The following ZNF44 variants were observed in gnomAD, a reference collection of about 807,000 sequenced individuals.
ZNF44 encodes gonadotropin inducible transcription repressor-2.
A neutral mutation model predicts 11.7 loss-of-function variants in ZNF44; 9 were observed. The observed-to-expected ratio is 0.77, with a 90% CI of 0.46 to 1.35. The LOEUF (loss-of-function observed/expected upper bound fraction) is 1.35. Ranked by LOEUF, ZNF44 falls within the 40% of genes most tolerant of loss-of-function variation. The pLI is 0.00. For missense variants in ZNF44, 696 were observed against 743.1 expected (o/e 0.94, Z 0.74); for synonymous variants, 224 against 242.7 (o/e 0.92, Z 0.72).
intron 5 of ZNF44, among the ~76,000 whole-genome samples, chr19:12,253,526 T>G (rs868461284): frequency 1.1e-4 from 16 of 152,228 alleles, no homozygotes; most frequent in Middle Eastern, 3.4e-3. Context: ...AGAGAATCTA[T>G]GTATAATCTT....
At chr19:12,242,965 T>G (rs1409704234), downstream of ZNF44, 1 of 152,104 alleles carries the variant, frequency 6.6e-6, no homozygotes, top group African/African-American at 2.4e-5. Context: ...CAGGAAGAAA[T>G]TAAGACCCAG....
chr19:12,228,946 C>T (rs1298315384), intron 3 of ZNF44, among the ~76,000 whole-genome samples: 1 of 152,076 alleles, frequency 6.6e-6, no homozygotes, highest in African/African-American at 2.4e-5. Context: ...AATGAAATTG[C>T]TTGATTAATA....
chr19:12,251,334 A>AAG (rs1234662269), intron 5 of ZNF44, among the ~76,000 whole-genome samples: 5 of 151,698 alleles, frequency 3.3e-5, no homozygotes, highest in Non-Finnish European at 7.4e-5. Flanking sequence ...TGTCTCAAAA[A>AAG]AAAAAAAAAA....
At position 12,272,411 on chromosome 19, in the gene ZNF44, A is replaced by G. The variant is rs766900419; in HGVS notation, c.1844T>C (p.Leu615Pro). ...RHKRTHWKDI[L>P] ...GCTTTCCCACATTCCATACACTTAT[A>G]GAATATCCTTCCAGTGTGTCCTTTT... is the stretch of plus-strand genomic sequence containing the variant. Residue 615 changes from leucine to proline, a missense_variant, in exon 4 of 4, where the codon CTA becomes CCA. By Grantham distance (98) the Leu-to-Pro change is moderately conservative. Transcript: ENST00000355684. The G allele has an allele frequency of 1.9e-6, 3 of 1,540,054 alleles. No individual in the cohort carries two copies. The highest frequency in any genetic ancestry group is 2.6e-6 in the Non-Finnish European group (3 of 1,148,718).
At chr19:12,274,429 C>T (rs1012534778) in intron 3 of ZNF44, among the ~76,000 whole-genome samples, 20 of 151,948 alleles carry the variant, frequency 1.3e-4, no homozygotes, top group African/African-American at 4.8e-4. Context: ...TGCACCACCA[C>T]ACCCAGCTAA....
At chr19:12,290,393 A>C (rs1474409079) in intron 1 of ZNF44, among the ~76,000 whole-genome samples, 1 of 147,334 alleles carries the variant, frequency 6.8e-6, no homozygotes, top group African/African-American at 2.5e-5. Context: ...CTCCGTCTTA[A>C]ACAAAAAAAA....
At chr19:12,268,155 C>G (rs948136968), downstream of ZNF44, among the ~76,000 whole-genome samples, 1 of 139,766 alleles carries the variant, frequency 7.2e-6, no homozygotes, top group African/African-American at 2.8e-5. Context: ...GACACACACA[C>G]ACACACACAC....
At chr19:12,260,248 G>C (rs911155739) in intron 5 of ZNF44, 2 of 810,914 alleles carry the variant, frequency 2.5e-6, no homozygotes, top group Admixed American at 1.7e-5. Flanking sequence ...CGCTACAACG[G>C]GCTGATTCAC....
chr19:12,250,996 C>T (rs750115783), intron 5 of ZNF44, among the ~76,000 whole-genome samples: 6 of 151,670 alleles, frequency 4.0e-5, no homozygotes, highest in East Asian at 1.9e-4. Context: ...GAGGCCGAGG[C>T]GGGCAGATTA....
At chr19:12,249,762 G>A (rs1304335447) in intron 7 of ZNF44, among the ~76,000 whole-genome samples, 13 of 152,084 alleles carry the variant, frequency 8.5e-5, no homozygotes, top group Admixed American at 8.5e-4. Flanking sequence ...ATGTTGGTCA[G>A]GCTGGTCTTG....
Position 12,273,591 on chromosome 19 carries a change from C to T in ZNF44, c.664G>A (p.Glu222Lys). 6.2e-7 allele frequency: 1 copy of T among 1,614,182 alleles called. No individual in the cohort carries two copies. The change falls in exon 4 of 4, where the codon GAG (glutamate) becomes AAG (lysine). Residue 222 changes from glutamate (E) to lysine (K), a missense_variant. Transcript: ENST00000355684. Reference protein sequence around the residue: ...LRMHERTHTGEKPYECKQCSK... With the variant: ...LRMHERTHTGKKPYECKQCSK... Reference sequence around the variant, plus strand: ...CACTGCTTACATTCATATGGTTTCTCTCCAGTGTGAGTTCTTTCATGCATA... The same window carrying T: ...CACTGCTTACATTCATATGGTTTCTTTCCAGTGTGAGTTCTTTCATGCATA...
downstream of ZNF44, among the ~76,000 whole-genome samples, chr19:12,225,982 C>A (rs1420311260): frequency 1.3e-5 from 2 of 152,148 alleles, no homozygotes; most frequent in African/African-American, 2.4e-5. Flanking sequence ...TTAATTTAAA[C>A]AGAAAATAGT....
At chr19:12,285,052 A>G in intron 1 of ZNF44, 1 of 687,964 alleles carries the variant, frequency 1.5e-6, no homozygotes, top group Admixed American at 2.2e-5. Context: ...ACCTACAGCT[A>G]CCTAACCCCT....
intron 5 of ZNF44, among the ~76,000 whole-genome samples, chr19:12,252,445 C>T (rs1264731096): frequency 6.6e-6 from 1 of 152,078 alleles, no homozygotes; most frequent in Non-Finnish European, 1.5e-5. Flanking sequence ...AAGTAAATAA[C>T]AAAGAAAGGT....
intron 3 of ZNF44, 89 bp from the exon 4 acceptor site, chr19:12,274,152 A>C: frequency 8.3e-7 from 1 of 1,211,408 alleles, no homozygotes; most frequent in South Asian, 1.5e-5. Flanking sequence ...TAACATTATC[A>C]GGCAAGCTAT....
chr19:12,261,986 T>C (rs894182620), intron 5 of ZNF44, among the ~76,000 whole-genome samples: 8 of 152,184 alleles, frequency 5.3e-5, no homozygotes, highest in African/African-American at 1.7e-4. Context: ...TAGGAAACCA[T>C]TGTAAGATTT....
In ZNF44 at chr19:12,273,067, T is replaced by C. The variant is rs529023216; in HGVS notation, c.1188A>G (p.Thr396=). The C allele has an allele frequency of 6.2e-7, 1 of 1,613,810 alleles. No individual in the cohort carries two copies. ...AHTGDGPHKC[T]VCGKAFDSPS... is the part of the protein sequence containing the mutation. Reference sequence around the variant, plus strand: ...GAGAATCAAAGGCTTTCCCACATACTGTGCATTTATGAGGGCCATCTCCAG... The same window carrying C: ...GAGAATCAAAGGCTTTCCCACATACCGTGCATTTATGAGGGCCATCTCCAG... The change falls in exon 4 of 4, where the codon ACA becomes ACG. Residue 396 remains threonine, a synonymous_variant. Coordinates refer to ENST00000355684, the MANE Select transcript of ZNF44 (RefSeq NM_016264.4).
downstream of ZNF44, chr19:12,244,803 C>G (rs912070702): frequency 6.6e-6 from 1 of 152,156 alleles, no homozygotes; most frequent in East Asian, 1.9e-4. Context: ...TAGAATTTTC[C>G]AAGGATGGAA....
At chr19:12,233,833 G>A (rs952672960) in intron 2 of ZNF44, among the ~76,000 whole-genome samples, 5 of 152,240 alleles carry the variant, frequency 3.3e-5, no homozygotes, top group Non-Finnish European at 7.4e-5. Context: ...GGAGACCGAG[G>A]CAGGTGGATC....
Sources: allele counts gnomAD v4.1 joint callset (sites outside exome capture counted in the v4.1 genomes callset), GRCh38; gene constraint gnomAD v4.1.1; transcripts MANE v1.5; gene names NCBI Gene and HGNC (gene_info 2026-07-23, HGNC 2026-07-21).